Variants in AQR observed in about 807,000 individuals in gnomAD.
AQR encodes the protein aquarius intron-binding spliceosomal factor, also known as RNA helicase aquarius.
Under a neutral mutation model 180.5 loss-of-function variants are expected in AQR, and 61 were observed. The observed-to-expected ratio is 0.34, with a 90% confidence interval of 0.28 to 0.42. The LOEUF is 0.42. Ranked by LOEUF, AQR falls within the 10% of genes least tolerant of loss-of-function variation. AQR has a pLI of 1.00. For synonymous variants in AQR, 551 were observed against 588.8 expected, an observed-to-expected ratio of 0.94 and a Z score of 0.93; for missense variants, 1,281 against 1,798.3, an observed-to-expected ratio of 0.71 and a Z score of 5.20.
intron 5 of AQR, among the ~76,000 whole-genome samples, chr15:34,947,707 A>G (rs1230054004): frequency 6.6e-6 from 1 of 151,942 alleles, no homozygotes; most frequent in Non-Finnish European, 1.5e-5. Flanking sequence ...TGGTGCAATC[A>G]TAGTTCATTG....
intron 26 of AQR, among the ~76,000 whole-genome samples, chr15:34,883,940 C>T (rs1276819582): frequency 6.6e-6 from 1 of 152,134 alleles, no homozygotes; most frequent in Non-Finnish European, 1.5e-5. Context: ...GATCAAGAGG[C>T]ATACAGGACT....
chr15:34,947,265 T>A (rs1894142589), intron 5 of AQR, among the ~76,000 whole-genome samples: 1 of 151,664 alleles, frequency 6.6e-6, no homozygotes, highest in Non-Finnish European at 1.5e-5. Flanking sequence ...GTTGAATGGA[T>A]TAAGGGCGGT....
chr15:34,893,522 G>C (rs538112792), intron 23 of AQR, 141 bp downstream of exon 23: 1 of 629,848 alleles, frequency 1.6e-6, no homozygotes, highest in Non-Finnish European at 2.7e-6. Context: ...AATGAAACTA[G>C]ATTTCTTGAA....
chr15:34,952,535 T>C (rs1039264318), intron 4 of AQR, among the ~76,000 whole-genome samples: 3 of 152,250 alleles, frequency 2.0e-5, no homozygotes, highest in Non-Finnish European at 4.4e-5. Flanking sequence ...ACTGGAACAA[T>C]GTTACCTTGA....
Position 34,856,319 on chromosome 15 carries a change from T to C in AQR, c.*473A>G. 2.6e-6 allele frequency: 1 copy of C among 380,108 alleles called. No individual in the cohort carries two copies. The allele number at this position is 380,108 out of a possible 1,614,324, so 23.5% of individuals were successfully genotyped here. A position where few individuals can be genotyped will look rare whatever the true frequency, so the allele number is the denominator to read the frequency against. ...GAAGAAACCTGTATCTTACTGCTAA[T>C]AATATCTTTACATAAAGACAGCAAA... On this transcript the variant is annotated 3_prime_UTR_variant, in exon 35 of 35. Transcript: ENST00000156471.
chr15:34,949,063 G>A (rs1346939946), intron 4 of AQR, among the ~76,000 whole-genome samples: 1 of 151,706 alleles, frequency 6.6e-6, no homozygotes, highest in Admixed American at 6.6e-5. Flanking sequence ...CGTAATCTTG[G>A]CTCACAGCAA....
chr15:34,880,294 G>C (rs1164691710), intron 27 of AQR, among the ~76,000 whole-genome samples: 1 of 152,146 alleles, frequency 6.6e-6, no homozygotes, highest in Non-Finnish European at 1.5e-5. Context: ...AGATACGGGA[G>C]GATGTATTCT....
chr15:34,898,505 C>A (rs532763095), intron 20 of AQR, among the ~76,000 whole-genome samples: 8 of 152,294 alleles, frequency 5.3e-5, no homozygotes, highest in African/African-American at 1.9e-4. Flanking sequence ...GTAATGGATT[C>A]TAGTGAGGTG....
In AQR at chr15:34,881,463, A is replaced by C. The variant is rs139788438; in HGVS notation, c.3165+1039T>G. Among the ~76,000 whole-genome samples the C allele has an allele frequency of 3.3e-5, 5 of 152,344 alleles. No homozygotes were observed. The East Asian group carries it at 9.6e-4, about 29-fold the overall frequency. On this transcript the variant is annotated intron_variant, in intron 27 of 34. Coordinates refer to ENST00000156471, the MANE Select transcript of AQR (RefSeq NM_014691.3). Reference sequence around the variant, plus strand: ...CATATACAGAACTCTGTTTTAAACAACAGACAAACCAGTTGCAGGAAAGTT... The same window carrying C: ...CATATACAGAACTCTGTTTTAAACACCAGACAAACCAGTTGCAGGAAAGTT...
intron 30 of AQR, among the ~76,000 whole-genome samples, chr15:34,872,739 C>T (rs985434308): frequency 6.6e-6 from 1 of 152,028 alleles, no homozygotes; most frequent in Admixed American, 6.6e-5. Flanking sequence ...GCATGAGTTA[C>T]ATCTATGCAT....
intron 33 of AQR, among the ~76,000 whole-genome samples, chr15:34,860,460 A>C (rs1232657717): frequency 6.6e-6 from 1 of 152,034 alleles, no homozygotes; most frequent in East Asian, 1.9e-4. Context: ...GAAATTTAGA[A>C]AGGTTAGAGA....
At chr15:34,865,768 C>T (rs1451751677) in intron 32 of AQR, among the ~76,000 whole-genome samples, 1 of 152,104 alleles carries the variant, frequency 6.6e-6, no homozygotes, top group African/African-American at 2.4e-5. Context: ...AACAATGAAC[C>T]TTGAACATAT....
chr15:34,950,115 G>T (rs1383738350), intron 4 of AQR, among the ~76,000 whole-genome samples: 3 of 99,050 alleles, frequency 3.0e-5, no homozygotes, highest in Non-Finnish European at 5.5e-5. Flanking sequence ...TTTTGAGATG[G>T]AGTCTCACTC....
intron 16 of AQR, among the ~76,000 whole-genome samples, chr15:34,913,784 C>T (rs1236013190): frequency 6.6e-6 from 1 of 152,292 alleles, no homozygotes; most frequent in East Asian, 1.9e-4. Context: ...AAGCACTCCC[C>T]TAGGGTGCAA....
chr15:34,944,305 G>T lies in AQR; in HGVS notation c.454C>A (p.His152Asn). 1 of 1,593,448 alleles carries T rather than the reference G, an allele frequency of 6.3e-7. No homozygotes were observed. Among genetic ancestry groups the T allele is most frequent in the Non-Finnish European group, 8.5e-7 (1 of 1,173,500 alleles). Reference protein sequence around the residue: ...EQTVLLLFLDHCFNSLEVDLI... With the variant: ...EQTVLLLFLDNCFNSLEVDLI... ...AAAAGTACCAAACTATTGAAGCAAT[G>T]ATCAAGAAAAAGTAGTAAGACTGTC... Residue 152 changes from histidine to asparagine, a missense_variant, in exon 6 of 35, where the codon CAT becomes AAT. By Grantham distance (68) the His-to-Asn change is moderately conservative. Around this residue, in one of 9 missense-constraint regions of AQR, gnomAD observed 404 missense variants for 490.9 expected, o/e 0.82. Coordinates refer to ENST00000156471, the MANE Select transcript of AQR (RefSeq NM_014691.3).
At chr15:34,960,518 A>G (rs1197958592) in intron 3 of AQR, among the ~76,000 whole-genome samples, 1 of 152,152 alleles carries the variant, frequency 6.6e-6, no homozygotes, top group Non-Finnish European at 1.5e-5. Flanking sequence ...TAAAATCTTC[A>G]TGTTTACTTT....
intron 6 of AQR, among the ~76,000 whole-genome samples, chr15:34,944,057 A>C (rs1412252725): frequency 2.0e-5 from 3 of 152,232 alleles, no homozygotes; most frequent in Non-Finnish European, 2.9e-5. Context: ...GATAGAAAAA[A>C]TTAAGTATCA....
chr15:34,886,274 G>C (rs1177676493), intron 25 of AQR, among the ~76,000 whole-genome samples: 1 of 151,930 alleles, frequency 6.6e-6, no homozygotes, highest in African/African-American at 2.4e-5. Flanking sequence ...TTTGCCAATA[G>C]AAAGAAAAAA....
At position 34,853,728 on chromosome 15, in the gene AQR, G is replaced by A. The variant is rs1179947998; in HGVS notation, c.*3064C>T. ...GAAACTGGTATTTACTAAGTACCTA[G>A]GTGATAAATTATTTTCATAAACATT... is the stretch of plus-strand genomic sequence containing the variant. On this transcript the variant is annotated 3_prime_UTR_variant, in exon 35 of 35. Coordinates refer to ENST00000156471, the MANE Select transcript of AQR (RefSeq NM_014691.3). 8 of 152,162 alleles carry A rather than the reference G, an allele frequency of 5.3e-5. No homozygotes were observed. In the East Asian group the frequency reaches 1.5e-3, roughly 29 times the overall value. 9.4% of individuals were successfully genotyped at this position (152,162 alleles called of 1,614,324 possible).
Sources: allele counts gnomAD v4.1 joint callset (sites outside exome capture counted in the v4.1 genomes callset), GRCh38; gene constraint gnomAD v4.1.1; regional missense constraint gnomAD v4.1.1; transcripts MANE v1.5; gene names NCBI Gene and HGNC (gene_info 2026-07-23, HGNC 2026-07-21).